CSE1L: variants seen among roughly 807,000 people sequenced by gnomAD.
The protein encoded by CSE1L is chromosome segregation 1 like, also known as exportin-2.
Under a neutral mutation model 120.4 loss-of-function variants are expected in CSE1L, and 24 were observed. The observed-to-expected ratio is 0.20, with a 90% CI of 0.14 to 0.28. The LOEUF (loss-of-function observed/expected upper bound fraction) is 0.28, where lower values mean the gene tolerates loss of function less well. Ranked by LOEUF, CSE1L falls within the 10% of genes least tolerant of loss-of-function variation. CSE1L has a pLI of 1.00. For missense variants in CSE1L, 830 were observed against 1,145.2 expected (o/e 0.72, Z 3.97); for synonymous variants, 402 against 398.3 (o/e 1.01, Z -0.11).
intron 3 of CSE1L, among the ~76,000 whole-genome samples, chr20:49,065,873 CG>C (rs1222401613): frequency 6.6e-6 from 1 of 152,084 alleles, no homozygotes; most frequent in Non-Finnish European, 1.5e-5. Flanking sequence ...GGATTATAGG[CG>C]TGAGCCACTG....
intron 7 of CSE1L, among the ~76,000 whole-genome samples, chr20:49,069,291 T>G (rs1056668852): frequency 3.1e-4 from 47 of 152,212 alleles, no homozygotes; most frequent in Non-Finnish European, 2.6e-4. Context: ...ACTAGTAGTA[T>G]TTCAGAGGAA....
chr20:49,053,443 T>C (rs73611328), intron 1 of CSE1L, among the ~76,000 whole-genome samples: 53,596 of 148,596 alleles, frequency 0.36, 10,438 homozygotes, highest in African/African-American at 0.53. Flanking sequence ...ATTGCAACCT[T>C]TGCCTCCCAG....
intron 1 of CSE1L, among the ~76,000 whole-genome samples, chr20:49,047,084 G>T (rs1023011370): frequency 8.5e-5 from 13 of 152,206 alleles, no homozygotes; most frequent in Non-Finnish European, 1.9e-4. Flanking sequence ...TTGGGGGAGG[G>T]TTCCCTCGTT....
Position 49,074,734 on chromosome 20 carries a change from G to C in CSE1L, c.1067-51G>C, listed in dbSNP as rs762344014. The C allele has an allele frequency of 2.0e-6, 3 of 1,497,962 alleles. No homozygotes were observed. The East Asian group carries it at 6.8e-5, about 34-fold the overall frequency. 92.8% of individuals were successfully genotyped at this position (1,497,962 alleles called of 1,614,324 possible). Reference sequence around the variant, plus strand: ...ACTCTTCTGCATTCTCAGCTGTAAAGTACAGTGACGTCTTTTGGAGTGTTA... The same window carrying C: ...ACTCTTCTGCATTCTCAGCTGTAAACTACAGTGACGTCTTTTGGAGTGTTA... On this transcript the variant is annotated intron_variant, in intron 10 of 24. Coordinates refer to ENST00000262982, the MANE Select transcript of CSE1L (RefSeq NM_001316.4).
intron 16 of CSE1L, among the ~76,000 whole-genome samples, chr20:49,087,100 A>G (rs1266785021): frequency 6.6e-6 from 1 of 152,162 alleles, no homozygotes; most frequent in Non-Finnish European, 1.5e-5. Flanking sequence ...GAGCTTTTAT[A>G]CATTTTTAGC....
intron 8 of CSE1L, among the ~76,000 whole-genome samples, chr20:49,072,070 T>C (rs1453487775): frequency 6.6e-6 from 1 of 151,908 alleles, no homozygotes; most frequent in African/African-American, 2.4e-5. Flanking sequence ...TCAGCCAGAA[T>C]ATACTGTTTG....
At chr20:49,066,722 G>T (rs1039045696) in intron 5 of CSE1L, among the ~76,000 whole-genome samples, 1 of 151,806 alleles carries the variant, frequency 6.6e-6, no homozygotes, top group East Asian at 1.9e-4. Flanking sequence ...TTGATAAACT[G>T]CTTGATCCCT....
Position 49,092,723 on chromosome 20 carries a change from G to A in CSE1L, c.2447+596G>A, listed in dbSNP as rs577612292. Among the ~76,000 whole-genome samples, 9 of 151,958 alleles carry A rather than the reference G, an allele frequency of 5.9e-5. No individual in the cohort carries two copies. In the South Asian group the frequency reaches 1.7e-3, roughly 28 times the overall value. On this transcript the variant is annotated intron_variant, in intron 22 of 24. Coordinates refer to ENST00000262982, the MANE Select transcript of CSE1L (RefSeq NM_001316.4). ...AGCAGAAATACCTAATGTAAATGAC[G>A]AGTTAATGGGTGCAGTAAACCAACT...
rs1357340163 is a variant in CSE1L, at chr20:49,089,600, C to G, written c.2035C>G (p.Pro679Ala). Residue 679 changes from proline (P) to alanine (A), a missense_variant, in exon 19 of 25, where the codon CCG becomes GCG. Physicochemically the swap from Pro to Ala is conservative, Grantham distance 27. Around this residue, in one of 4 missense-constraint regions of CSE1L, gnomAD observed 168 missense variants for 267.9 expected, o/e 0.63. Transcript: ENST00000262982. Reference protein sequence around the residue: ...LLLETHKNDIPSSYMALFPHL... With the variant: ...LLLETHKNDIASSYMALFPHL... ...TCTGGAAACACACAAAAATGACATC[C>G]CGTCTTCCTATATGGCCTTATTTCC... 6.2e-7 allele frequency: 1 copy of G among 1,613,962 alleles called. No homozygotes were observed. The highest frequency in any genetic ancestry group is 8.5e-7 in the Non-Finnish European group (1 of 1,180,020).
At chr20:49,072,841 T>A in intron 10 of CSE1L, 144 bp downstream of exon 10, 2 of 883,916 alleles carry the variant, frequency 2.3e-6, no homozygotes, top group Non-Finnish European at 3.2e-6. Context: ...GAAAATGTAG[T>A]ATCTGTAATG....
chr20:49,069,894 G>A (rs927438778), intron 7 of CSE1L, among the ~76,000 whole-genome samples: 8 of 152,246 alleles, frequency 5.3e-5, no homozygotes, highest in Non-Finnish European at 1.0e-4. Flanking sequence ...GAAAGGGGAT[G>A]TATTAGTATG....
chr20:49,050,385 ATTTTTTTTTTT>A (rs1243770980), intron 1 of CSE1L, among the ~76,000 whole-genome samples: 2 of 79,034 alleles, frequency 2.5e-5, no homozygotes, highest in African/African-American at 5.7e-5. Flanking sequence ...AGCCCAGCTA[ATTTTTTTTTTT>A]TTTTTTTTTT....
intron 2 of CSE1L, among the ~76,000 whole-genome samples, chr20:49,061,486 ATTATTTATTTATTTAT>A (rs113315451): frequency 2.3e-5 from 3 of 132,956 alleles, no homozygotes; most frequent in African/African-American, 8.5e-5. Flanking sequence ...AATTATTATT[ATTATTTATTTATTTAT>A]TTATTTATTT....
chr20:49,073,003 G>T (rs1484320591), intron 10 of CSE1L, among the ~76,000 whole-genome samples: 1 of 152,018 alleles, frequency 6.6e-6, no homozygotes, highest in Non-Finnish European at 1.5e-5. Context: ...ATTTTTAGCT[G>T]GCTTTATTTA....
At chr20:49,049,694 G>A (rs7265123) in intron 1 of CSE1L, among the ~76,000 whole-genome samples, 22 of 152,258 alleles carry the variant, frequency 1.4e-4, no homozygotes, top group Non-Finnish European at 3.1e-4. Flanking sequence ...GATAAGCTTA[G>A]AATTCGGTTT....
rs1388853676 is a variant in CSE1L at position 49,094,930 on chromosome 20, A to G, written c.2793A>G (p.Ser931=). ...ACCCCAAAATTCACCTGGCACAGTC[A>G]CTTCACAAGTTGTCTACCGCCTGTC... ...VNNPKIHLAQ[S]LHKLSTACPG... is the part of the protein sequence containing the mutation. The change falls in exon 24 of 25, where the codon TCA becomes TCG. Residue 931 remains serine (S), a synonymous_variant. Coordinates refer to ENST00000262982, the MANE Select transcript of CSE1L (RefSeq NM_001316.4). The G allele has an allele frequency of 6.2e-7, 1 of 1,613,976 alleles. No homozygotes were observed. Among genetic ancestry groups the G allele is most frequent in the Admixed American group, 1.7e-5 (1 of 59,966 alleles).
intron 8 of CSE1L, among the ~76,000 whole-genome samples, chr20:49,072,045 C>T (rs1201660048): frequency 6.6e-5 from 10 of 151,688 alleles, no homozygotes; most frequent in African/African-American, 1.2e-4. Flanking sequence ...GGATTACCGG[C>T]GTGAGCCACT....
Position 49,072,557 on chromosome 20 carries a change from T to A in CSE1L, c.937-11T>A, listed in dbSNP as rs1414058890. On this transcript the variant is annotated splice_polypyrimidine_tract_variant and intron_variant, in intron 9 of 24. Coordinates refer to ENST00000262982, the MANE Select transcript of CSE1L (RefSeq NM_001316.4). ...TTTTAAAAATATTCTTGTTTTTGTG[T>A]TTTGTTCCAGTTGGTAAGTAATGCA... The A allele has an allele frequency of 1.2e-6, 2 of 1,606,952 alleles. No individual in the cohort carries two copies. The highest frequency in any genetic ancestry group is 2.2e-5 in the South Asian group (2 of 89,992).
At position 49,066,172 on chromosome 20, in the gene CSE1L, AGTTACTGCTTTGCTT is replaced by A; in HGVS notation, c.229-19_229-5del. On this transcript the variant is annotated splice_region_variant and splice_polypyrimidine_tract_variant and intron_variant, in intron 3 of 24. Transcript: ENST00000262982. ...AATGTGGATTTTGTGTTACTTCCTC[AGTTACTGCTTTGCTT>A]TTAGGTTGAAGATGAACCAAACAAA... The A allele has an allele frequency of 6.3e-7, 1 of 1,599,456 alleles. No individual in the cohort carries two copies. The highest frequency in any genetic ancestry group is 1.3e-5 in the African/African-American group (1 of 74,676).
Sources: gnomAD v4.1 joint callset for allele counts (sites outside exome capture counted in the v4.1 genomes callset) on GRCh38, gnomAD v4.1.1 for gene constraint, gnomAD v4.1.1 regional missense constraint, MANE v1.5 for transcripts, NCBI Gene and HGNC (gene_info 2026-07-23, HGNC 2026-07-21) for gene names.